Variants in TM4SF5 observed in about 807,000 individuals in gnomAD.
TM4SF5 encodes transmembrane 4 L6 family member 5.
A neutral mutation model predicts 22.3 loss-of-function variants in TM4SF5; 16 were observed. The ratio of observed to expected loss-of-function variants is 0.72; its 90% confidence interval spans 0.49 to 1.09. The LOEUF (loss-of-function observed/expected upper bound fraction) is 1.09. Ranked by LOEUF, TM4SF5 falls within the 50% of genes least tolerant of loss-of-function variation. TM4SF5 has a pLI of 0.00. For synonymous variants in TM4SF5, 113 were observed against 109.6 expected (o/e 1.03, Z -0.19); for missense variants, 249 against 266.1 (o/e 0.94, Z 0.45).
intron 2 of TM4SF5, 85 bp from the exon 3 acceptor site, chr17:4,782,418 C>T (rs1414061734): frequency 1.3e-6 from 2 of 1,530,196 alleles, no homozygotes; most frequent in Non-Finnish European, 1.8e-6. Context: ...GAGCAGATTT[C>T]GATAATGCGT....
intron 1 of TM4SF5, among the ~76,000 whole-genome samples, chr17:4,774,509 T>C (rs1343573618): frequency 6.6e-6 from 1 of 152,100 alleles, no homozygotes; most frequent in Non-Finnish European, 1.5e-5. Context: ...CACGCGCCAC[T>C]GCACTCCAGC....
intron 3 of TM4SF5, 38 bp from the exon 4 acceptor site, chr17:4,782,816 A>C: frequency 1.9e-6 from 3 of 1,593,394 alleles, no homozygotes. Context: ...GCGCACGCGC[A>C]CGCTGCCTTC....
chr17:4,783,157 C>G lies in TM4SF5; in HGVS notation c.*29C>G. The G allele has an allele frequency of 2.5e-6, 4 of 1,586,538 alleles. No homozygotes were observed. Among genetic ancestry groups the G allele is most frequent in the Non-Finnish European group, 3.4e-6 (4 of 1,168,346 alleles). ...TCCACTGACCGCCGGGTTACACCTG[C>G]TCCTTCCTGGACGCTCACTCCCTTG... On this transcript the variant is annotated 3_prime_UTR_variant, in exon 5 of 5. Coordinates refer to ENST00000270560, the MANE Select transcript of TM4SF5 (RefSeq NM_003963.3).
chr17:4,783,052 G>A lies in TM4SF5; in HGVS notation c.579+15G>A, dbSNP rs1457345120. 20 of 1,614,104 alleles carry A rather than the reference G, an allele frequency of 1.2e-5. No individual in the cohort carries two copies. Among genetic ancestry groups the A allele is most frequent in the Admixed American group, 3.3e-5 (2 of 60,020 alleles). On this transcript the variant is annotated intron_variant, in intron 4 of 4. Transcript: ENST00000270560. ...GGAAAAAACAGGTGAAATTTCTTGC[G>A]GTGGAGTTGTAGAGGGAACCTGCCT...
In TM4SF5 at chr17:4,782,849, C is replaced by T. The variant is rs1917340647; in HGVS notation, c.396-5C>T. ...TTCTCCCACGTGGCCTCACCCCTCC[C>T]ACAGGGGAGCTTACTTGCTCAACCG... On this transcript the variant is annotated splice_polypyrimidine_tract_variant and splice_region_variant and intron_variant, in intron 3 of 4. Coordinates refer to ENST00000270560, the MANE Select transcript of TM4SF5 (RefSeq NM_003963.3). The T allele has an allele frequency of 2.5e-6, 4 of 1,610,354 alleles. No homozygotes were observed. Among genetic ancestry groups the T allele is most frequent in the African/African-American group, 1.3e-5 (1 of 74,908 alleles).
At chr17:4,782,182 C>T (rs1470686065) in intron 2 of TM4SF5, among the ~76,000 whole-genome samples, 3 of 151,574 alleles carry the variant, frequency 2.0e-5, no homozygotes, top group Admixed American at 6.6e-5. Flanking sequence ...TTGCAACCTC[C>T]GCCTCCCATG....
At chr17:4,777,492 A>G (rs1169622438) in intron 1 of TM4SF5, among the ~76,000 whole-genome samples, 2 of 152,004 alleles carry the variant, frequency 1.3e-5, no homozygotes, top group African/African-American at 2.4e-5. Flanking sequence ...TAAAATCCCA[A>G]CACTTTGGGA....
chr17:4,772,965 C>T (rs542342288), intron 1 of TM4SF5, among the ~76,000 whole-genome samples: 11 of 152,024 alleles, frequency 7.2e-5, no homozygotes, highest in South Asian at 2.1e-4. Flanking sequence ...AGTGCAGTGG[C>T]GCCATCTCCG....
At chr17:4,778,832 C>A (rs1038471452) in intron 1 of TM4SF5, among the ~76,000 whole-genome samples, 1 of 151,660 alleles carries the variant, frequency 6.6e-6, no homozygotes, top group African/African-American at 2.4e-5. Flanking sequence ...CTGAGGCAGG[C>A]GGATCACGAG....
rs1917330018 is a variant in TM4SF5, at chr17:4,782,485, C to T, written c.259-18C>T. The T allele has an allele frequency of 1.9e-6, 3 of 1,613,696 alleles. No homozygotes were observed. The highest frequency in any genetic ancestry group is 1.1e-5 in the South Asian group (1 of 91,076). On this transcript the variant is annotated intron_variant, in intron 2 of 4. Transcript: ENST00000270560. ...GTGGGGAGATTGGGCCTTACCTCCCCTTCCACACCACATCCAGATGCTGCG... is the reference window on the plus strand; with the variant it reads ...GTGGGGAGATTGGGCCTTACCTCCCTTTCCACACCACATCCAGATGCTGCG...
At chr17:4,777,326 C>A (rs1333729759) in intron 1 of TM4SF5, among the ~76,000 whole-genome samples, 1 of 152,082 alleles carries the variant, frequency 6.6e-6, no homozygotes, top group Non-Finnish European at 1.5e-5. Context: ...AGGCTATAAG[C>A]ACAGTGTTTT....
At chr17:4,772,721 T>TG (rs1170838836) in intron 1 of TM4SF5, among the ~76,000 whole-genome samples, 9 of 149,064 alleles carry the variant, frequency 6.0e-5, no homozygotes, top group Admixed American at 5.3e-4. Flanking sequence ...GTTTTTTGTT[T>TG]TTTTTTTTTT....
intron 1 of TM4SF5, among the ~76,000 whole-genome samples, chr17:4,776,068 C>T (rs1407118011): frequency 6.6e-6 from 1 of 151,620 alleles, no homozygotes; most frequent in African/African-American, 2.4e-5. Flanking sequence ...AGGCTGGTCT[C>T]GCACTCCCGA....
intron 1 of TM4SF5, among the ~76,000 whole-genome samples, chr17:4,775,966 T>C (rs527662337): frequency 6.6e-6 from 1 of 152,204 alleles, no homozygotes; most frequent in South Asian, 2.1e-4. Flanking sequence ...TGCCTCAGCC[T>C]CCAGAGTAGC....
intron 1 of TM4SF5, 112 bp from the exon 2 acceptor site, chr17:4,780,677 T>C: frequency 1.3e-6 from 1 of 746,542 alleles, no homozygotes; most frequent in Non-Finnish European, 2.2e-6. Flanking sequence ...TCTTCTACAG[T>C]CCAAAGGGCT....
intron 1 of TM4SF5, among the ~76,000 whole-genome samples, chr17:4,775,127 A>G (rs993900901): frequency 4.6e-5 from 7 of 152,118 alleles, no homozygotes; most frequent in Admixed American, 2.0e-4. Flanking sequence ...AGGATCAGAC[A>G]GGTGGCCGGT....
At chr17:4,772,126 G>A in intron 1 of TM4SF5, 27 bp downstream of exon 1, 13 of 1,613,736 alleles carry the variant, frequency 8.1e-6, no homozygotes, top group African/African-American at 1.3e-5. Context: ...GGGAGCCCGG[G>A]CCAGCTGGCT....
chr17:4,780,785 A>G lies in TM4SF5; in HGVS notation c.178-4A>G. ...GTGCTATAACAATGACTCTTGTCCC[A>G]CAGGTACTGTGTCCGGGGATTGCAG... On this transcript the variant is annotated splice_polypyrimidine_tract_variant and splice_region_variant and intron_variant, in intron 1 of 4. Coordinates refer to ENST00000270560, the MANE Select transcript of TM4SF5 (RefSeq NM_003963.3). The G allele has an allele frequency of 6.2e-7, 1 of 1,609,016 alleles. No homozygotes were observed. The highest frequency in any genetic ancestry group is 8.5e-7 in the Non-Finnish European group (1 of 1,177,612).
rs115588646 is a variant in TM4SF5 at position 4,779,446 on chromosome 17, A to G, written c.178-1343A>G. ...CCTGTTTCAAAAAGAAAGAAAGAAA[A>G]AAAAAAGCTATGTTTAACCTGATAG... On this transcript the variant is annotated intron_variant, in intron 1 of 4. Transcript: ENST00000270560. 3.4e-3 allele frequency among the ~76,000 whole-genome samples: 515 copies of G among 152,198 alleles called. 6 individuals are homozygous for G. Among genetic ancestry groups the G allele is most frequent in the African/African-American group, 0.011 (474 of 41,508 alleles).
Sources: allele counts gnomAD v4.1 joint callset (sites outside exome capture counted in the v4.1 genomes callset), GRCh38; gene constraint gnomAD v4.1.1; transcripts MANE v1.5; gene names NCBI Gene and HGNC (gene_info 2026-07-23, HGNC 2026-07-21).